KLHDC2: variants seen among roughly 807,000 people sequenced by gnomAD.
KLHDC2 encodes the protein kelch domain-containing protein 2.
KLHDC2 carries 38 observed loss-of-function variants against 62.3 expected under a neutral mutation model. The ratio of observed to expected loss-of-function variants is 0.61; its 90% CI spans 0.47 to 0.80. The LOEUF (loss-of-function observed/expected upper bound fraction) is 0.80. KLHDC2 is among the 30% of genes least tolerant of loss of function. KLHDC2 has a pLI of 0.00. For missense variants in KLHDC2, 430 were observed against 495.3 expected (o/e 0.87, Z 1.25); for synonymous variants, 159 against 161.0 (o/e 0.99, Z 0.09).
chr14:49,780,154 C>T (rs1889859034), intron 8 of KLHDC2, 59 bp from the exon 9 acceptor site: 1 of 1,122,096 alleles, frequency 8.9e-7, no homozygotes, highest in Non-Finnish European at 1.3e-6. Flanking sequence ...TAAAAGAAAA[C>T]TTAAAAATAC....
chr14:49,777,974 G>A lies in KLHDC2; in HGVS notation c.467+20G>A, dbSNP rs774834262. On this transcript the variant is annotated intron_variant, in intron 4 of 12. Transcript: ENST00000298307. ...AAACAAGTAAGTTGGCAGCACTACA[G>A]GTTTGGGTTTTTATGTGTAAAGTGG... 2.0e-5 allele frequency: 29 copies of A among 1,477,530 alleles called. No individual in the cohort carries two copies. Among genetic ancestry groups the A allele is most frequent in the Non-Finnish European group, 2.6e-5 (28 of 1,062,996 alleles). The allele number at this position is 1,477,530 out of a possible 1,614,324, so 91.5% of individuals were successfully genotyped here.
rs1032006670 is a variant in KLHDC2, at chr14:49,768,212, C to T, written c.-257C>T. 3.8e-5 allele frequency: 13 copies of T among 339,892 alleles called. No homozygotes were observed. In the Middle Eastern group the frequency reaches 4.0e-3, roughly 106 times the overall value. The allele number at this position is 339,892 out of a possible 1,614,324, so 21.1% of individuals were successfully genotyped here. A position where few individuals can be genotyped will look rare whatever the true frequency, so the allele number is the denominator to read the frequency against. Reference sequence around the variant, plus strand: ...ACCGCTTCCCTGCAGTGCCCCGAGTCCCGGGCCCGCGCCGCCGCCGCCCGG... The same window carrying T: ...ACCGCTTCCCTGCAGTGCCCCGAGTTCCGGGCCCGCGCCGCCGCCGCCCGG... On this transcript the variant is annotated 5_prime_UTR_variant, in exon 1 of 13. Coordinates refer to ENST00000298307, the MANE Select transcript of KLHDC2 (RefSeq NM_014315.3).
At chr14:49,772,322 T>A (rs577711919) in intron 2 of KLHDC2, among the ~76,000 whole-genome samples, 5 of 152,340 alleles carry the variant, frequency 3.3e-5, no homozygotes, top group Admixed American at 3.3e-4. Context: ...TTAGATTGTA[T>A]AGAATTTTAT....
In KLHDC2 at chr14:49,770,798, T is replaced by C. The variant is rs947449200; in HGVS notation, c.154-796T>C. The stretch of plus-strand genomic sequence containing the variant: ...TTAGGAATTAATACCTGAAGGGAAA[T>C]GGAGCAGAACAAAGAACTTAAAATT... On this transcript the variant is annotated intron_variant, in intron 1 of 12. Transcript: ENST00000298307. 1.1e-4 allele frequency among the ~76,000 whole-genome samples: 17 copies of C among 152,234 alleles called. 1 individual carries two copies. The highest frequency in any genetic ancestry group is 9.8e-4 in the Admixed American group (15 of 15,278).
intron 10 of KLHDC2, among the ~76,000 whole-genome samples, chr14:49,781,545 T>C (rs2139803344): frequency 6.6e-6 from 1 of 151,880 alleles, no homozygotes; most frequent in East Asian, 1.9e-4. Flanking sequence ...CTTGGGCAAC[T>C]TGGCAAAACC....
At chr14:49,782,504 A>C (rs777996669) in intron 11 of KLHDC2, 38 bp from the exon 12 acceptor site, 1 of 1,598,892 alleles carries the variant, frequency 6.3e-7, no homozygotes. Flanking sequence ...CTTGCAAAGC[A>C]TTTGCTTTTA....
At chr14:49,780,602 T>A in intron 9 of KLHDC2, 101 bp from the exon 10 acceptor site, 1 of 850,564 alleles carries the variant, frequency 1.2e-6, no homozygotes. Context: ...ATACTCTCTG[T>A]ATCTGCTCAT....
intron 9 of KLHDC2, 94 bp from the exon 10 acceptor site, chr14:49,780,609 T>C: frequency 1.1e-6 from 1 of 883,858 alleles, no homozygotes; most frequent in Non-Finnish European, 1.9e-6. Context: ...CTGTATCTGC[T>C]CATGATCTAT....
At chr14:49,777,812 T>TCTAA in intron 3 of KLHDC2, 27 bp from the exon 4 acceptor site, 1 of 1,245,234 alleles carries the variant, frequency 8.0e-7, no homozygotes, top group Non-Finnish European at 1.1e-6. Flanking sequence ...TAAAACCAAC[T>TCTAA]CTAACTGAAA....
Position 49,784,899 on chromosome 14 carries a change from ATTCCTTTTCTGAAGGAGAACT to A in KLHDC2, c.*1949_*1969del. On this transcript the variant is annotated 3_prime_UTR_variant, in exon 13 of 13. Coordinates refer to ENST00000298307, the MANE Select transcript of KLHDC2 (RefSeq NM_014315.3). ...TTTAAATTGTACTGTCAGTCTCCACATTCCTTTTCTGAAGGAGAACTTTACCTTTACGCTGCGGAATAAGTC... is the reference window on the plus strand; with the variant it reads ...TTTAAATTGTACTGTCAGTCTCCACATTACCTTTACGCTGCGGAATAAGTC... 1 of 1,592,524 alleles carries A rather than the reference ATTCCTTTTCTGAAGGAGAACT, an allele frequency of 6.3e-7. No individual in the cohort carries two copies. Among genetic ancestry groups the A allele is most frequent in the Non-Finnish European group, 8.6e-7 (1 of 1,161,744 alleles).
intron 5 of KLHDC2, 43 bp downstream of exon 5, chr14:49,778,302 T>C (rs1476250889): frequency 7.2e-7 from 1 of 1,388,866 alleles, no homozygotes; most frequent in Non-Finnish European, 1.0e-6. Context: ...CTTAGTATGT[T>C]GAAATAATAC....
chr14:49,774,720 T>G (rs1190058557), intron 3 of KLHDC2, 42 bp downstream of exon 3: 5 of 1,188,508 alleles, frequency 4.2e-6, no homozygotes, highest in Non-Finnish European at 6.3e-6. Flanking sequence ...ATTTTTATTC[T>G]TATTATCTTT....
intron 2 of KLHDC2, among the ~76,000 whole-genome samples, chr14:49,772,815 G>T (rs925185887): frequency 6.6e-6 from 1 of 152,084 alleles, no homozygotes; most frequent in African/African-American, 2.4e-5. Context: ...AATTAGCCAG[G>T]CATGATGGCA....
chr14:49,774,284 A>T (rs1255633621), intron 2 of KLHDC2, among the ~76,000 whole-genome samples: 2 of 152,246 alleles, frequency 1.3e-5, no homozygotes. Flanking sequence ...GAAACATAAA[A>T]TGGTATGCTC....
At chr14:49,768,743 A>C (rs1167557871) in intron 1 of KLHDC2, 122 bp downstream of exon 1, 1 of 881,946 alleles carries the variant, frequency 1.1e-6, no homozygotes, top group Non-Finnish European at 1.6e-6. Flanking sequence ...CGCGCGCCCC[A>C]CCTCAGACTC....
chr14:49,768,647 G>A (rs1357306492), intron 1 of KLHDC2, 26 bp downstream of exon 1: 2 of 1,553,048 alleles, frequency 1.3e-6, no homozygotes, highest in Non-Finnish European at 1.7e-6. Flanking sequence ...GGCCGCGACG[G>A]ACGTCGCTCG....
Position 49,783,742 on chromosome 14 carries a change from G to GAATC in KLHDC2, c.*791_*794dup, listed in dbSNP as rs1890026932. On this transcript the variant is annotated 3_prime_UTR_variant, in exon 13 of 13. Transcript: ENST00000298307. ...GTGGAAATTAAAATGGTACAGAACT[G>GAATC]AATCAGATTACAAGGAAAAAATTAA... 6.6e-6 allele frequency: 1 copy of GAATC among 151,998 alleles called. No individual in the cohort carries two copies. The highest frequency in any genetic ancestry group is 1.5e-5 in the Non-Finnish European group (1 of 67,992). The allele number at this position is 151,998 out of a possible 1,614,324, so 9.4% of individuals were successfully genotyped here. A position where few individuals can be genotyped will look rare whatever the true frequency, so the allele number is the denominator to read the frequency against.
In KLHDC2 at chr14:49,777,963, G is replaced by C. The variant is rs1478677805; in HGVS notation, c.467+9G>C. On this transcript the variant is annotated intron_variant, in intron 4 of 12. Transcript: ENST00000298307. Reference sequence around the variant, plus strand: ...TGGGTATATAAAAACAAGTAAGTTGGCAGCACTACAGGTTTGGGTTTTTAT... The same window carrying C: ...TGGGTATATAAAAACAAGTAAGTTGCCAGCACTACAGGTTTGGGTTTTTAT... 1 of 1,528,318 alleles carries C rather than the reference G, an allele frequency of 6.5e-7. No individual in the cohort carries two copies. Among genetic ancestry groups the C allele is most frequent in the African/African-American group, 1.4e-5 (1 of 72,972 alleles). 94.7% of individuals were successfully genotyped at this position (1,528,318 alleles called of 1,614,324 possible). A position where few individuals can be genotyped will look rare whatever the true frequency, so the allele number is the denominator to read the frequency against.
intron 9 of KLHDC2, 105 bp from the exon 10 acceptor site, chr14:49,780,598 T>C: frequency 1.2e-6 from 1 of 839,244 alleles, no homozygotes; most frequent in Non-Finnish European, 2.1e-6. Context: ...AAATATACTC[T>C]CTGTATCTGC....
Sources: allele counts gnomAD v4.1 joint callset (sites outside exome capture counted in the v4.1 genomes callset), GRCh38; gene constraint gnomAD v4.1.1; transcripts MANE v1.5; gene names NCBI Gene and HGNC (gene_info 2026-07-23, HGNC 2026-07-21).